Variants in MYLK observed in about 807,000 individuals in gnomAD.
The protein encoded by MYLK is myosin light chain kinase, smooth muscle.
MYLK carries 106 observed loss-of-function variants against 203.4 expected under a neutral mutation model. That is an observed-to-expected ratio of 0.52 (90% CI 0.45 to 0.61). MYLK has a LOEUF of 0.61. Ranked by LOEUF, MYLK falls within the 20% of genes least tolerant of loss-of-function variation. The pLI, the probability that MYLK is intolerant of heterozygous loss-of-function variation, is 0.00. For synonymous variants in MYLK, 867 were observed against 959.5 expected (o/e 0.90, Z 1.78); for missense variants, 2,072 against 2,442.3 (o/e 0.85, Z 3.20).
At chr3:123,768,274 T>C (rs1031260888) in intron 4 of MYLK, among the ~76,000 whole-genome samples, 3 of 152,202 alleles carry the variant, frequency 2.0e-5, no homozygotes, top group South Asian at 2.1e-4. Context: ...AAGCTTGGTG[T>C]TTTTCCCTTC....
rs2064881269 is a variant in MYLK at position 123,793,809 on chromosome 3, G to T, written c.33C>A (p.His11Gln). Residue 11 changes from histidine (H) to glutamine (Q), a missense_variant, in exon 4 of 34, where the codon CAC becomes CAA. His to Gln is a conservative substitution (Grantham distance 24). Around this residue, in one of 3 missense-constraint regions of MYLK, gnomAD observed 683 missense variants for 643.8 expected, o/e 1.06. Transcript: ENST00000360304. MGDVKLVASS[H>Q]ISKTSLSVDP... ...CCACACTGAGGGAGGTTTTGGAAAT[G>T]TGTGACGAGGCAACCAGCTTCACAT... 2 of 1,614,224 alleles carry T rather than the reference G, an allele frequency of 1.2e-6. No individual in the cohort carries two copies. Among genetic ancestry groups the T allele is most frequent in the African/African-American group, 2.7e-5 (2 of 75,072 alleles).
At chr3:123,630,821 A>T (rs2058384437) in intron 29 of MYLK, 1 of 152,190 alleles carries the variant, frequency 6.6e-6, no homozygotes, top group Non-Finnish European at 1.5e-5. Flanking sequence ...TCAAAACAAA[A>T]TAGAGCAGAT....
rs41264644 is a variant in MYLK at position 123,740,206 on chromosome 3, C to T, written c.374-205G>A. ...TTGCAATAATTTTATGAAGCTGATA[C>T]TACATTATCCTATTTTTTAAACAGA... is the stretch of plus-strand genomic sequence containing the variant. On this transcript the variant is annotated intron_variant, in intron 5 of 33. Transcript: ENST00000360304. Among the ~76,000 whole-genome samples the T allele has an allele frequency of 6.1e-3, 927 of 151,218 alleles. 8 individuals are homozygous for T. The highest frequency in any genetic ancestry group is 9.0e-3 in the Non-Finnish European group (611 of 67,884).
chr3:123,880,962 G>A (rs900154118), intron 1 of MYLK, among the ~76,000 whole-genome samples: 2 of 152,194 alleles, frequency 1.3e-5, no homozygotes, highest in Admixed American at 1.3e-4. Context: ...CACCCACCTT[G>A]AGTTTGTGAG....
chr3:123,721,519 A>T (rs1226725124), intron 13 of MYLK, among the ~76,000 whole-genome samples: 2 of 152,156 alleles, frequency 1.3e-5, no homozygotes, highest in Non-Finnish European at 2.9e-5. Context: ...GATGACCATG[A>T]TAATCAGATT....
intron 19 of MYLK, among the ~76,000 whole-genome samples, chr3:123,683,210 C>A (rs999222484): frequency 6.9e-6 from 1 of 144,762 alleles, no homozygotes; most frequent in Non-Finnish European, 1.5e-5. Context: ...TCTTTGGGGA[C>A]GGCGCTGAGA....
At chr3:123,859,705 A>G (rs1424066208) in intron 2 of MYLK, among the ~76,000 whole-genome samples, 1 of 152,264 alleles carries the variant, frequency 6.6e-6, no homozygotes, top group Non-Finnish European at 1.5e-5. Flanking sequence ...TGAGCCAAGG[A>G]CAAGAACAAA....
Position 123,647,125 on chromosome 3 carries a change from C to A in MYLK, c.4619+99G>T. ...ACATATCACACTCCTGTCTGCAGTG[C>A]TTTCCATCTTGGGGCAGAGGTGGCT... On this transcript the variant is annotated intron_variant, in intron 27 of 33. Coordinates refer to ENST00000360304, the MANE Select transcript of MYLK (RefSeq NM_053025.4). 1.8e-6 allele frequency: 2 copies of A among 1,099,992 alleles called. 1 individual carries two copies. Among genetic ancestry groups the A allele is most frequent in the South Asian group, 2.6e-5 (2 of 76,734 alleles). The allele number at this position is 1,099,992 out of a possible 1,614,324, so 68.1% of individuals were successfully genotyped here.
chr3:123,628,215 G>A (rs969787364), intron 30 of MYLK, among the ~76,000 whole-genome samples: 1 of 152,184 alleles, frequency 6.6e-6, no homozygotes, highest in African/African-American at 2.4e-5. Flanking sequence ...GCCCTGAACT[G>A]GCTAAAAAGG....
At chr3:123,860,810 C>T (rs771387290) in intron 2 of MYLK, among the ~76,000 whole-genome samples, 4 of 152,086 alleles carry the variant, frequency 2.6e-5, no homozygotes, top group Non-Finnish European at 5.9e-5. Context: ...GAGTAAAATG[C>T]ATAGGGGGCC....
intron 31 of MYLK, among the ~76,000 whole-genome samples, chr3:123,625,551 G>A (rs2058099553): frequency 6.6e-6 from 1 of 152,048 alleles, no homozygotes. Flanking sequence ...GCTCACGCCT[G>A]TAATTCCAAC....
chr3:123,742,258 C>T (rs1053925285), intron 5 of MYLK, among the ~76,000 whole-genome samples: 1 of 152,044 alleles, frequency 6.6e-6, no homozygotes, highest in Admixed American at 6.6e-5. Flanking sequence ...CAGATGTATC[C>T]GGAACAAATC....
At chr3:123,646,392 A>G (rs2059021763) in intron 27 of MYLK, among the ~76,000 whole-genome samples, 2 of 152,222 alleles carry the variant, frequency 1.3e-5, no homozygotes, top group Non-Finnish European at 2.9e-5. Flanking sequence ...GTATTTCCTA[A>G]TATTTTTTGA....
rs1356651634 is a variant in MYLK, at chr3:123,777,544, C to G, written c.165+16133G>C. Among the ~76,000 whole-genome samples the G allele has an allele frequency of 2.6e-5, 4 of 152,190 alleles. No individual in the cohort carries two copies. The East Asian group carries it at 7.7e-4, about 29-fold the overall frequency. On this transcript the variant is annotated intron_variant, in intron 4 of 33. Coordinates refer to ENST00000360304, the MANE Select transcript of MYLK (RefSeq NM_053025.4). ...GAGTCTTGCGCTCACCCTCTCTTCC[C>G]CTGTGAAACTTTGGGGAGGTTCAGG... is the stretch of plus-strand genomic sequence containing the variant.
intron 23 of MYLK, chr3:123,659,687 C>G (rs39639): frequency 0.77 from 396,587 of 517,068 alleles, 163,576 homozygotes; most frequent in Non-Finnish European, 0.91. Flanking sequence ...GATGAAAACT[C>G]TCAGAAAAGA....
At chr3:123,710,995 G>A (rs1018998481) in intron 13 of MYLK, among the ~76,000 whole-genome samples, 2 of 152,122 alleles carry the variant, frequency 1.3e-5, no homozygotes, top group African/African-American at 4.8e-5. Context: ...GGAGGCTGAG[G>A]TGGGAGGATC....
chr3:123,718,902 C>T (rs1262116537), intron 13 of MYLK, among the ~76,000 whole-genome samples: 2 of 152,130 alleles, frequency 1.3e-5, no homozygotes, highest in East Asian at 3.9e-4. Context: ...TGGCACTGAT[C>T]AATATAGGCG....
intron 5 of MYLK, among the ~76,000 whole-genome samples, chr3:123,749,587 G>A (rs1015937362): frequency 5.3e-5 from 8 of 152,166 alleles, no homozygotes; most frequent in Non-Finnish European, 2.9e-5. Context: ...TACATTAAAC[G>A]TCAGATGAGG....
chr3:123,682,189 C>G, intron 20 of MYLK, 35 bp downstream of exon 20: 2 of 1,556,198 alleles, frequency 1.3e-6, no homozygotes, highest in Non-Finnish European at 1.8e-6. Context: ...GCCCCTGCCT[C>G]TGCCTCTGCC....
Sources: gnomAD v4.1 joint callset for allele counts (sites outside exome capture counted in the v4.1 genomes callset) on GRCh38, gnomAD v4.1.1 for gene constraint, gnomAD v4.1.1 regional missense constraint, MANE v1.5 for transcripts, NCBI Gene and HGNC (gene_info 2026-07-23, HGNC 2026-07-21) for gene names.